Variants in OXR1 observed in about 807,000 individuals in gnomAD.
OXR1 encodes the protein oxidation resistance protein 1.
Under a neutral mutation model 104.6 loss-of-function variants are expected in OXR1, and 41 were observed. The observed-to-expected ratio is 0.39, with a 90% CI of 0.31 to 0.51. The LOEUF is 0.51. Ranked by LOEUF, OXR1 falls within the 20% of genes least tolerant of loss-of-function variation. The pLI, the probability that OXR1 is intolerant of heterozygous loss-of-function variation, is 0.77. For missense variants in OXR1, 955 were observed against 1,031.9 expected (o/e 0.93, Z 1.02); for synonymous variants, 348 against 348.4 (o/e 1.00, Z 0.01).
At chr8:106,307,508 C>G (rs1813513395) in intron 1 of OXR1, among the ~76,000 whole-genome samples, 1 of 152,028 alleles carries the variant, frequency 6.6e-6, no homozygotes, top group Non-Finnish European at 1.5e-5. Context: ...TTCTCAGGTT[C>G]AAACACTTAA....
chr8:106,462,215 G>A (rs1334328700), intron 2 of OXR1, among the ~76,000 whole-genome samples: 1 of 152,130 alleles, frequency 6.6e-6, no homozygotes, highest in Admixed American at 6.6e-5. Flanking sequence ...ACCATTTAGA[G>A]AACTTAAGTT....
At chr8:106,674,548 T>C (rs984539870) in intron 3 of OXR1, among the ~76,000 whole-genome samples, 5 of 152,154 alleles carry the variant, frequency 3.3e-5, no homozygotes, top group South Asian at 2.1e-4. Flanking sequence ...TTTGGGAGAC[T>C]GTTGGGAAGG....
chr8:106,589,758 C>T (rs779059910), intron 3 of OXR1, among the ~76,000 whole-genome samples: 3 of 152,146 alleles, frequency 2.0e-5, no homozygotes, highest in Non-Finnish European at 2.9e-5. Context: ...CTCCCGCCTC[C>T]CAGGTTCAAA....
chr8:106,590,631 T>G (rs1396669476), intron 3 of OXR1, among the ~76,000 whole-genome samples: 1 of 152,222 alleles, frequency 6.6e-6, no homozygotes, highest in Non-Finnish European at 1.5e-5. Flanking sequence ...CCTATAACTC[T>G]TAGGCTATGC....
intron 2 of OXR1, among the ~76,000 whole-genome samples, chr8:106,497,814 G>A (rs1597924): frequency 2.1e-4 from 21 of 100,880 alleles, no homozygotes; most frequent in African/African-American, 4.1e-4. Context: ...GTGCACACGC[G>A]TGTGTGTGTG....
At chr8:106,672,789 T>TG in intron 3 of OXR1, among the ~76,000 whole-genome samples, 2 of 152,244 alleles carry the variant, frequency 1.3e-5, no homozygotes, top group Admixed American at 1.3e-4. Context: ...TGAGTTCTGA[T>TG]GGTTTTATAA....
intron 13 of OXR1, among the ~76,000 whole-genome samples, chr8:106,739,856 G>A (rs1326092674): frequency 1.3e-5 from 2 of 152,112 alleles, no homozygotes; most frequent in Non-Finnish European, 2.9e-5. Context: ...TACAACAGCT[G>A]TAGAAATTGG....
intron 2 of OXR1, among the ~76,000 whole-genome samples, chr8:106,372,248 C>CT (rs2130379024): frequency 6.6e-6 from 1 of 150,676 alleles, no homozygotes; most frequent in African/African-American, 2.5e-5. Context: ...CCTCCCTTGG[C>CT]TGGGGGGAGG....
chr8:106,373,263 C>T (rs564187279), intron 2 of OXR1, among the ~76,000 whole-genome samples: 2 of 152,302 alleles, frequency 1.3e-5, no homozygotes, highest in African/African-American at 2.4e-5. Context: ...GGCTGTATTA[C>T]AGTTGCCCAA....
At chr8:106,551,860 A>ATGTGTGTGTGTG (rs71307068) in intron 3 of OXR1, among the ~76,000 whole-genome samples, 154 of 126,574 alleles carry the variant, frequency 1.2e-3, no homozygotes, top group Non-Finnish European at 1.8e-3. Flanking sequence ...GTGTATATAT[A>ATGTGTGTGTGTG]TGTGTGTGTG....
At chr8:106,311,663 A>G (rs925650315) in intron 1 of OXR1, among the ~76,000 whole-genome samples, 1 of 152,130 alleles carries the variant, frequency 6.6e-6, no homozygotes, top group Non-Finnish European at 1.5e-5. Context: ...AAGAGCCTAT[A>G]TGCTTTTTAG....
chr8:106,497,532 TAC>T (rs1052781580), intron 2 of OXR1, among the ~76,000 whole-genome samples: 14 of 152,182 alleles, frequency 9.2e-5, no homozygotes, highest in African/African-American at 3.4e-4. Context: ...ATTGAAATAA[TAC>T]AGTCTTGGGA....
At chr8:106,450,669 G>C (rs1388705434) in intron 2 of OXR1, among the ~76,000 whole-genome samples, 1 of 151,978 alleles carries the variant, frequency 6.6e-6, no homozygotes, top group African/African-American at 2.4e-5. Flanking sequence ...AAACAGAGCA[G>C]ACCTTTTAAA....
intron 3 of OXR1, among the ~76,000 whole-genome samples, chr8:106,588,067 T>G (rs542784893): frequency 5.3e-5 from 8 of 152,100 alleles, no homozygotes; most frequent in Admixed American, 5.2e-4. Context: ...TTCTCCTGCC[T>G]CAGCCTCCCA....
intron 1 of OXR1, among the ~76,000 whole-genome samples, chr8:106,326,155 C>A (rs1191346867): frequency 3.3e-5 from 5 of 152,156 alleles, no homozygotes; most frequent in African/African-American, 1.2e-4. Context: ...TTGACCACAT[C>A]GTCTGTCAAA....
chr8:106,496,092 G>C (rs1448517177), intron 2 of OXR1, among the ~76,000 whole-genome samples: 3 of 152,120 alleles, frequency 2.0e-5, no homozygotes, highest in African/African-American at 4.8e-5. Context: ...GGACCCCTGA[G>C]GATGGACCCC....
At chr8:106,595,693 G>A (rs939852470) in intron 3 of OXR1, among the ~76,000 whole-genome samples, 1 of 152,092 alleles carries the variant, frequency 6.6e-6, no homozygotes, top group Non-Finnish European at 1.5e-5. Flanking sequence ...GAATAATGCT[G>A]GAAATAGCCT....
At chr8:106,606,485 T>G (rs576070133) in intron 3 of OXR1, among the ~76,000 whole-genome samples, 1 of 139,646 alleles carries the variant, frequency 7.2e-6, no homozygotes, top group African/African-American at 2.7e-5. Flanking sequence ...TTTTTTTTTG[T>G]ATTTTTACTA....
At chr8:106,600,333 C>G (rs1047018489) in intron 3 of OXR1, among the ~76,000 whole-genome samples, 39 of 152,184 alleles carry the variant, frequency 2.6e-4, no homozygotes, top group African/African-American at 7.7e-4. Flanking sequence ...GCCTGTGGCT[C>G]TCCAGTTTTC....
Sources: gnomAD v4.1 joint callset for allele counts (sites outside exome capture counted in the v4.1 genomes callset) on GRCh38, gnomAD v4.1.1 for gene constraint, MANE v1.5 for transcripts, NCBI Gene and HGNC (gene_info 2026-07-23, HGNC 2026-07-21) for gene names.